Variants in TMEM71 observed in about 807,000 individuals in gnomAD.
The protein encoded by TMEM71 is transmembrane protein 71.
In TMEM71, 44 loss-of-function variants were observed where a neutral mutation model predicts 38.0. That is an observed-to-expected ratio of 1.16 (90% CI 0.91 to 1.49). TMEM71 has a LOEUF of 1.49. TMEM71 is among the 40% of genes most tolerant of loss of function. The probability of loss-of-function intolerance (pLI) is 0.00; values close to 1 mark genes in which losing one functional copy is unlikely to be tolerated. For missense variants in TMEM71, 367 were observed against 348.6 expected, an observed-to-expected ratio of 1.05 and a Z score of -0.42; for synonymous variants, 133 against 122.5, an observed-to-expected ratio of 1.09 and a Z score of -0.56.
At chr8:132,714,253 T>G (rs1007153057) in intron 7 of TMEM71, 38 bp from the exon 8 acceptor site, 4 of 1,501,702 alleles carry the variant, frequency 2.7e-6, no homozygotes, top group Non-Finnish European at 3.7e-6. Context: ...GCATACTAAT[T>G]GTGCATTTCC....
At chr8:132,728,956 T>G (rs1262055474) in intron 5 of TMEM71, among the ~76,000 whole-genome samples, 1 of 152,228 alleles carries the variant, frequency 6.6e-6, no homozygotes, top group Admixed American at 6.5e-5. Flanking sequence ...TTAAATTTTT[T>G]TATTCAAAGA....
intron 7 of TMEM71, among the ~76,000 whole-genome samples, chr8:132,715,252 A>T (rs924775362): frequency 6.7e-6 from 1 of 148,654 alleles, no homozygotes; most frequent in African/African-American, 2.5e-5. Context: ...TAAAAATGCA[A>T]AAAAAAAAAT....
At chr8:132,734,567 T>C (rs1318876412) in intron 5 of TMEM71, among the ~76,000 whole-genome samples, 1 of 152,324 alleles carries the variant, frequency 6.6e-6, no homozygotes, top group East Asian at 1.9e-4. Context: ...ATAAAAAATA[T>C]GTAGAATACT....
At chr8:132,743,562 C>G (rs780272631) in intron 5 of TMEM71, among the ~76,000 whole-genome samples, 2 of 152,184 alleles carry the variant, frequency 1.3e-5, no homozygotes, top group African/African-American at 4.8e-5. Context: ...TTAATCCTGT[C>G]CTATTCACTT....
At chr8:132,742,046 A>G (rs1408384977) in intron 5 of TMEM71, among the ~76,000 whole-genome samples, 1 of 151,958 alleles carries the variant, frequency 6.6e-6, no homozygotes, top group African/African-American at 2.4e-5. Flanking sequence ...GAAGGCTCGC[A>G]CTCTTGTCTT....
At chr8:132,758,981 T>A in intron 1 of TMEM71, 66 bp from the exon 2 acceptor site, 2 of 937,332 alleles carry the variant, frequency 2.1e-6, no homozygotes, top group East Asian at 2.4e-5. Flanking sequence ...CCAAAACAGA[T>A]GGCATCTACT....
At chr8:132,719,372 T>G (rs753001744) in intron 7 of TMEM71, among the ~76,000 whole-genome samples, 53 of 152,250 alleles carry the variant, frequency 3.5e-4, no homozygotes, top group Non-Finnish European at 6.5e-4. Context: ...CCTGACTTCA[T>G]GCCACAGGTG....
In TMEM71 at chr8:132,727,803, T is replaced by A; in HGVS notation, c.671A>T (p.His224Leu). 1 of 1,605,410 alleles carries A rather than the reference T, an allele frequency of 6.2e-7. No homozygotes were observed. Among genetic ancestry groups the A allele is most frequent in the South Asian group, 1.1e-5 (1 of 89,674 alleles). The change falls in exon 6 of 10, where the codon CAT (histidine) becomes CTT (leucine). Residue 224 changes from histidine (H) to leucine (L), a missense_variant. Transcript: ENST00000677595. Reference sequence around the variant, plus strand: ...TTTAAAACACCTGAACTCACCTGAATGATCCGAACTATTCTCTTGGAAACG... The same window carrying A: ...TTTAAAACACCTGAACTCACCTGAAAGATCCGAACTATTCTCTTGGAAACG... The part of the protein sequence containing the change: ...SERFQENSSD[H>L]SETRLLQEVF...
intron 5 of TMEM71, among the ~76,000 whole-genome samples, chr8:132,738,316 G>C (rs1377042660): frequency 6.6e-6 from 1 of 152,068 alleles, no homozygotes; most frequent in Admixed American, 6.5e-5. Context: ...TCCAGCCCTT[G>C]GTGACTTGCA....
intron 9 of TMEM71, 51 bp downstream of exon 9, chr8:132,713,944 A>C (rs752540333): frequency 6.3e-7 from 1 of 1,577,022 alleles, no homozygotes; most frequent in Non-Finnish European, 8.7e-7. Context: ...TCAGATATCA[A>C]ATTATGATCA....
chr8:132,753,833 C>T (rs1482381587), intron 3 of TMEM71, among the ~76,000 whole-genome samples: 1 of 152,118 alleles, frequency 6.6e-6, no homozygotes, highest in Non-Finnish European at 1.5e-5. Context: ...TGCTTAGCAC[C>T]TAGTATGGGC....
At chr8:132,713,851 TA>T (rs1826363295) in intron 9 of TMEM71, 143 bp downstream of exon 9, 1 of 720,568 alleles carries the variant, frequency 1.4e-6, no homozygotes, top group African/African-American at 1.8e-5. Flanking sequence ...TATTAAATTT[TA>T]GCAGTAACAG....
intron 4 of TMEM71, among the ~76,000 whole-genome samples, chr8:132,748,650 G>T (rs1828523466): frequency 6.6e-6 from 1 of 152,058 alleles, no homozygotes; most frequent in Non-Finnish European, 1.5e-5. Flanking sequence ...TGAATAAAAA[G>T]GAATTAGTAA....
At chr8:132,745,210 A>G (rs1296291799) in intron 5 of TMEM71, among the ~76,000 whole-genome samples, 1 of 152,192 alleles carries the variant, frequency 6.6e-6, no homozygotes, top group Non-Finnish European at 1.5e-5. Context: ...TCTGCACAAC[A>G]AAAGAAACTA....
Position 132,747,202 on chromosome 8 carries a change from A to C in TMEM71, c.315-88T>G, listed in dbSNP as rs954635557. The C allele has an allele frequency of 1.1e-5, 13 of 1,165,180 alleles. No homozygotes were observed. In the East Asian group the frequency reaches 3.2e-4, roughly 29 times the overall value. 72.2% of individuals were successfully genotyped at this position (1,165,180 alleles called of 1,614,324 possible). ...TTTGAAGCGCAGAGTACATTTCTACAACCCAAGTCTGCTCACTGCATTAAT... is the reference window on the plus strand; with the variant it reads ...TTTGAAGCGCAGAGTACATTTCTACCACCCAAGTCTGCTCACTGCATTAAT... On this transcript the variant is annotated intron_variant, in intron 4 of 9. Transcript: ENST00000677595.
intron 5 of TMEM71, among the ~76,000 whole-genome samples, chr8:132,743,242 C>T (rs1398663413): frequency 6.6e-6 from 1 of 152,068 alleles, no homozygotes; most frequent in Non-Finnish European, 1.5e-5. Context: ...CCCTCCTTCA[C>T]CTCTCCCTTT....
At chr8:132,716,538 A>T (rs1433488659) in intron 7 of TMEM71, among the ~76,000 whole-genome samples, 2 of 152,242 alleles carry the variant, frequency 1.3e-5, no homozygotes, top group African/African-American at 4.8e-5. Context: ...AAATTTCATA[A>T]GTAATATAAC....
chr8:132,760,960 G>A (rs1829281571), upstream of TMEM71, among the ~76,000 whole-genome samples: 1 of 152,108 alleles, frequency 6.6e-6, no homozygotes, highest in Non-Finnish European at 1.5e-5. Context: ...AATTTATTGA[G>A]GATAATGCAC....
At chr8:132,758,616 A>C in intron 2 of TMEM71, 1 of 507,408 alleles carries the variant, frequency 2.0e-6, no homozygotes, top group Non-Finnish European at 3.5e-6. Context: ...TCTAAAAAAA[A>C]ACGGTGATTT....
Sources: gnomAD v4.1 joint callset for allele counts (sites outside exome capture counted in the v4.1 genomes callset) on GRCh38, gnomAD v4.1.1 for gene constraint, MANE v1.5 for transcripts, NCBI Gene and HGNC (gene_info 2026-07-23, HGNC 2026-07-21) for gene names.